The following LOXHD1 variants were observed in gnomAD, a reference collection of about 807,000 sequenced individuals.
LOXHD1 encodes lipoxygenase homology domain-containing protein 1.
In LOXHD1, 205 loss-of-function variants were observed where a neutral mutation model predicts 248.2. The observed-to-expected ratio is 0.83, with a 90% CI of 0.74 to 0.93. LOXHD1 has a LOEUF of 0.93. Ranked by LOEUF, LOXHD1 falls within the 40% of genes least tolerant of loss-of-function variation. LOXHD1 has a pLI of 0.00. For synonymous variants in LOXHD1, 1,113 were observed against 1,162.8 expected, an observed-to-expected ratio of 0.96 and a Z score of 0.87; for missense variants, 2,930 against 2,971.6, an observed-to-expected ratio of 0.99 and a Z score of 0.33.
At chr18:46,528,101 G>A (rs1473775739) in intron 29 of LOXHD1, among the ~76,000 whole-genome samples, 2 of 152,158 alleles carry the variant, frequency 1.3e-5, no homozygotes, top group South Asian at 2.1e-4. Flanking sequence ...AATATTAAGG[G>A]ATATGCCTGG....
chr18:46,557,425 T>C lies in LOXHD1; in HGVS notation c.3281A>G (p.Asp1094Gly), dbSNP rs543098936. The change falls in exon 21 of 41, where the codon GAC becomes GGC. Residue 1094 changes from aspartate (D) to glycine (G), a missense_variant. Asp to Gly is a moderately conservative substitution (Grantham distance 94). Coordinates refer to ENST00000642948, the MANE Select transcript of LOXHD1 (RefSeq NM_001384474.1). Reference sequence around the variant, plus strand: ...CCAGCCTGCTCTGTTGCCTGTGTTGTCGTGGCGAATCCGAATCTTGGTCAG... The same window carrying C: ...CCAGCCTGCTCTGTTGCCTGTGTTGCCGTGGCGAATCCGAATCTTGGTCAG... ...GALTKIRIRH[D>G]NTGNRAGWFL... 6.0e-5 allele frequency: 93 copies of C among 1,552,240 alleles called. No homozygotes were observed. The East Asian group carries it at 2.1e-3, about 35-fold the overall frequency.
chr18:46,607,578 G>T (rs904402066), intron 6 of LOXHD1, among the ~76,000 whole-genome samples: 4 of 151,332 alleles, frequency 2.6e-5, no homozygotes, highest in Non-Finnish European at 5.9e-5. Context: ...AATTATGAGT[G>T]GTTTTTTTTG....
At chr18:46,651,836 G>A (rs555214123) in intron 1 of LOXHD1, among the ~76,000 whole-genome samples, 1 of 152,248 alleles carries the variant, frequency 6.6e-6, no homozygotes, top group East Asian at 1.9e-4. Flanking sequence ...TGGGCAACAA[G>A]TTTTTAAGAA....
chr18:46,631,599 A>G (rs1459685577), intron 4 of LOXHD1, among the ~76,000 whole-genome samples: 1 of 152,138 alleles, frequency 6.6e-6, no homozygotes, highest in Non-Finnish European at 1.5e-5. Context: ...AGGATGAAAG[A>G]GAGGAAGTGA....
chr18:46,536,900 C>T (rs2036337591), intron 26 of LOXHD1, among the ~76,000 whole-genome samples: 1 of 152,160 alleles, frequency 6.6e-6, no homozygotes, highest in Non-Finnish European at 1.5e-5. Context: ...GCCTGGAGGG[C>T]CCAGCCTTCT....
At chr18:46,642,085 C>T (rs768135982) in intron 2 of LOXHD1, 49 bp from the exon 3 acceptor site, 94 of 1,513,410 alleles carry the variant, frequency 6.2e-5, no homozygotes, top group Non-Finnish European at 8.4e-5. Context: ...GGCTCACAGG[C>T]CTGGGAGGAG....
chr18:46,485,264 T>G, intron 38 of LOXHD1, 113 bp from the exon 39 acceptor site: 3 of 1,207,768 alleles, frequency 2.5e-6, no homozygotes, highest in Non-Finnish European at 3.4e-6. Context: ...GGCTGCAGCC[T>G]GGGGGTGGGG....
chr18:46,513,527 A>G lies in LOXHD1; in HGVS notation c.5400-3712T>C, dbSNP rs572925216. ...AAAGAGAGAGATCAACACATACACAAAAGAGGTGGGATGTGAAGATGGGGC... is the reference window on the plus strand; with the variant it reads ...AAAGAGAGAGATCAACACATACACAGAAGAGGTGGGATGTGAAGATGGGGC... On this transcript the variant is annotated intron_variant, in intron 34 of 40. Coordinates refer to ENST00000642948, the MANE Select transcript of LOXHD1 (RefSeq NM_001384474.1). Among the ~76,000 whole-genome samples, 71 of 152,286 alleles carry G rather than the reference A, an allele frequency of 4.7e-4. 1 individual carries two copies. The highest frequency in any genetic ancestry group is 2.1e-4 in the South Asian group (1 of 4,820).
At chr18:46,526,124 C>A (rs2035817575) in intron 29 of LOXHD1, among the ~76,000 whole-genome samples, 1 of 152,180 alleles carries the variant, frequency 6.6e-6, no homozygotes, top group Non-Finnish European at 1.5e-5. Context: ...ACTGGGTTCA[C>A]CAGAGTAAGA....
At chr18:46,650,803 G>C (rs2039100903) in intron 1 of LOXHD1, among the ~76,000 whole-genome samples, 1 of 152,186 alleles carries the variant, frequency 6.6e-6, no homozygotes, top group Non-Finnish European at 1.5e-5. Context: ...AGCATGCCCA[G>C]AGCCAGTGTG....
rs888220878 is a variant in LOXHD1, at chr18:46,506,546, C to T, written c.5693-523G>A. ...GTGACCCAGTGAAGCTTTTCTGACA[C>T]ACATCTGTGGTTATCAATGAATTTA... is the stretch of plus-strand genomic sequence containing the variant. On this transcript the variant is annotated intron_variant, in intron 36 of 40. Transcript: ENST00000642948. 3.9e-5 allele frequency among the ~76,000 whole-genome samples: 6 copies of T among 152,304 alleles called. No homozygotes were observed. In the East Asian group the frequency reaches 9.7e-4, roughly 25 times the overall value.
chr18:46,537,874 T>C (rs1022117904), intron 26 of LOXHD1, among the ~76,000 whole-genome samples: 29 of 152,184 alleles, frequency 1.9e-4, no homozygotes, highest in Non-Finnish European at 1.5e-5. Context: ...TGTTGGAAGC[T>C]CTAGAGAGGC....
At chr18:46,480,088 T>C (rs2032429627) in intron 40 of LOXHD1, among the ~76,000 whole-genome samples, 1 of 152,238 alleles carries the variant, frequency 6.6e-6, no homozygotes, top group Admixed American at 6.5e-5. Context: ...GAGGAGGAGA[T>C]ACTTGCATTG....
chr18:46,568,639 A>G (rs1174038067), intron 16 of LOXHD1, among the ~76,000 whole-genome samples: 1 of 152,086 alleles, frequency 6.6e-6, no homozygotes, highest in Non-Finnish European at 1.5e-5. Context: ...GCAAACCCAG[A>G]TGGGTTCCAC....
chr18:46,523,545 A>T (rs1281528127), intron 31 of LOXHD1, among the ~76,000 whole-genome samples: 1 of 152,144 alleles, frequency 6.6e-6, no homozygotes, highest in Non-Finnish European at 1.5e-5. Context: ...GGTCTCTGTC[A>T]TTTGCAGTTA....
chr18:46,588,478 G>A (rs1416351613), intron 12 of LOXHD1, among the ~76,000 whole-genome samples: 2 of 152,138 alleles, frequency 1.3e-5, no homozygotes, highest in African/African-American at 4.8e-5. Flanking sequence ...TTAAAAATGT[G>A]TACGAGCACA....
chr18:46,560,044 C>CGCGTGCCGGGG, intron 19 of LOXHD1, 39 bp downstream of exon 19: 1 of 1,245,524 alleles, frequency 8.0e-7, no homozygotes, highest in Non-Finnish European at 1.1e-6. Context: ...AACTGTCTGG[C>CGCGTGCCGGGG]CACTCCCTCC....
At chr18:46,487,777 AGAG>A (rs1461496706) in intron 38 of LOXHD1, among the ~76,000 whole-genome samples, 8 of 152,348 alleles carry the variant, frequency 5.3e-5, no homozygotes, top group African/African-American at 1.2e-4. Flanking sequence ...AACAGAGTTG[AGAG>A]GAGAAGAGAG....
At chr18:46,486,715 G>C (rs1416852469) in intron 38 of LOXHD1, among the ~76,000 whole-genome samples, 2 of 152,150 alleles carry the variant, frequency 1.3e-5, no homozygotes, top group East Asian at 3.9e-4. Context: ...GGAGCACTGG[G>C]AACCTGCATA....
Sources: allele counts gnomAD v4.1 joint callset (sites outside exome capture counted in the v4.1 genomes callset), GRCh38; gene constraint gnomAD v4.1.1; transcripts MANE v1.5; gene names NCBI Gene and HGNC (gene_info 2026-07-23, HGNC 2026-07-21).